Variants in ARHGAP17 observed in about 807,000 individuals in gnomAD.
ARHGAP17 encodes the protein rho GTPase-activating protein 17.
A neutral mutation model predicts 99.5 loss-of-function variants in ARHGAP17; 57 were observed. The observed-to-expected ratio is 0.57, with a 90% CI of 0.46 to 0.71. The LOEUF is 0.71. Among genes scored for constraint, ARHGAP17 ranks in the 30% least tolerant of loss-of-function variants. The probability of loss-of-function intolerance (pLI) is 0.00; values close to 1 mark genes in which losing one functional copy is unlikely to be tolerated. For missense variants in ARHGAP17, 1,000 were observed against 1,122.4 expected (o/e 0.89, Z 1.56); for synonymous variants, 417 against 429.6 (o/e 0.97, Z 0.36).
Position 24,919,638 on chromosome 16 carries a change from A to T in ARHGAP17, c.*492T>A, listed in dbSNP as rs747883350. The T allele has an allele frequency of 6.5e-6, 1 of 153,206 alleles. No homozygotes were observed. The highest frequency in any genetic ancestry group is 6.5e-5 in the Admixed American group (1 of 15,346). 9.5% of individuals were successfully genotyped at this position (153,206 alleles called of 1,614,324 possible). On this transcript the variant is annotated 3_prime_UTR_variant, in exon 20 of 20. Coordinates refer to ENST00000289968, the MANE Select transcript of ARHGAP17 (RefSeq NM_001006634.3). ...GGAGACACAGACCATACATGATACA[A>T]AATGATTCTGCAGCAAGTCTGAAGG...
intron 1 of ARHGAP17, among the ~76,000 whole-genome samples, chr16:24,982,925 G>A (rs1165468883): frequency 1.6e-5 from 2 of 128,222 alleles, no homozygotes; most frequent in Admixed American, 8.1e-5. Flanking sequence ...AAAAACAGTA[G>A]ACAAAGTGAT....
intron 15 of ARHGAP17, 41 bp downstream of exon 15, chr16:24,943,730 C>G: frequency 6.5e-7 from 1 of 1,547,028 alleles, no homozygotes; most frequent in Non-Finnish European, 8.9e-7. Flanking sequence ...GTACGATTAT[C>G]ACATTGCTTT....
chr16:24,974,882 C>A (rs985625941), intron 3 of ARHGAP17, among the ~76,000 whole-genome samples: 1 of 152,162 alleles, frequency 6.6e-6, no homozygotes, highest in African/African-American at 2.4e-5. Context: ...CACAGTAGCT[C>A]ATGCCTGTAA....
rs139393798 is a variant in ARHGAP17 at position 24,980,496 on chromosome 16, C to T, written c.54-1491G>A. Among the ~76,000 whole-genome samples, 184 of 152,250 alleles carry T rather than the reference C, an allele frequency of 1.2e-3. No individual in the cohort carries two copies. The South Asian group carries it at 0.028, about 23-fold the overall frequency. ...GCTTCCAGAGGCAGCCAATTTTCAA[C>T]TCTATGAAAAGGTTCCACCAGCAAC... On this transcript the variant is annotated intron_variant, in intron 1 of 19. Coordinates refer to ENST00000289968, the MANE Select transcript of ARHGAP17 (RefSeq NM_001006634.3).
intron 13 of ARHGAP17, chr16:24,948,925 C>T (rs1374951900): frequency 4.0e-5 from 6 of 151,782 alleles, no homozygotes; most frequent in Non-Finnish European, 8.8e-5. Flanking sequence ...AAGTTTTGTC[C>T]CATGGTAAAT....
At chr16:24,980,891 G>A (rs376909892) in intron 1 of ARHGAP17, among the ~76,000 whole-genome samples, 2 of 152,064 alleles carry the variant, frequency 1.3e-5, no homozygotes, top group East Asian at 3.8e-4. Context: ...ACTTCCTTCT[G>A]TAAGTACGAG....
chr16:24,942,375 C>T (rs965681167), intron 15 of ARHGAP17, among the ~76,000 whole-genome samples: 2 of 152,120 alleles, frequency 1.3e-5, no homozygotes, highest in African/African-American at 2.4e-5. Flanking sequence ...AAGTTACACA[C>T]TTTTGTGCTT....
At chr16:24,928,425 CA>C (rs1239056121) in intron 19 of ARHGAP17, among the ~76,000 whole-genome samples, 7 of 152,122 alleles carry the variant, frequency 4.6e-5, no homozygotes, top group Non-Finnish European at 1.0e-4. Flanking sequence ...CAGTATATTA[CA>C]GTGTTGTAGC....
intron 9 of ARHGAP17, chr16:24,956,590 G>A (rs1334437033): frequency 1.3e-5 from 2 of 152,246 alleles, no homozygotes; most frequent in South Asian, 2.1e-4. Flanking sequence ...CAGAGGAGTC[G>A]GATAGGTAGC....
chr16:24,930,988 G>A lies in ARHGAP17; in HGVS notation c.2311C>T (p.Pro771Ser). 6.2e-7 allele frequency: 1 copy of A among 1,613,932 alleles called. No individual in the cohort carries two copies. The highest frequency in any genetic ancestry group is 8.5e-7 in the Non-Finnish European group (1 of 1,179,962). ...PSTPPLGKQN[P>S]SLPAPQTLAG... ...AGGGTCTGAGGAGCTGGCAGACTGGGGTTCTGTTTTCCTAGGGGCGGAGTA... is the reference window on the plus strand; with the variant it reads ...AGGGTCTGAGGAGCTGGCAGACTGGAGTTCTGTTTTCCTAGGGGCGGAGTA... The change falls in exon 19 of 20, where the codon CCC (proline) becomes TCC (serine). Residue 771 changes from proline (P) to serine (S), a missense_variant. Physicochemically the swap from Pro to Ser is moderately conservative, Grantham distance 74. This residue lies in a region of ARHGAP17 where 528 missense variants were observed against 511.4 expected (regional missense o/e 1.03). Transcript: ENST00000289968.
chr16:24,937,590 G>A (rs896384213), intron 17 of ARHGAP17, among the ~76,000 whole-genome samples: 1 of 152,224 alleles, frequency 6.6e-6, no homozygotes, highest in Admixed American at 6.5e-5. Flanking sequence ...CCTATGAGGT[G>A]CACGGGAAGC....
At chr16:24,949,659 G>A (rs1054704955) in intron 12 of ARHGAP17, among the ~76,000 whole-genome samples, 175 bp from the exon 13 acceptor site, 12 of 152,164 alleles carry the variant, frequency 7.9e-5, no homozygotes, top group Non-Finnish European at 1.2e-4. Context: ...TTAACTCTGC[G>A]CAGTTGGTTA....
chr16:24,961,911 T>TTATATATATATA (rs67952203), intron 7 of ARHGAP17, among the ~76,000 whole-genome samples: 5,704 of 129,618 alleles, frequency 0.044, 229 homozygotes, highest in African/African-American at 0.092. Flanking sequence ...CATAGGAATT[T>TTATATATATATA]TATATATATA....
intron 7 of ARHGAP17, among the ~76,000 whole-genome samples, chr16:24,961,746 C>T (rs2052008736): frequency 6.6e-6 from 1 of 150,558 alleles, no homozygotes; most frequent in African/African-American, 2.4e-5. Flanking sequence ...GTTGGTCAGC[C>T]TGGTTTTGAA....
At chr16:24,982,988 ATATATATATTT>A (rs2052735385) in intron 1 of ARHGAP17, among the ~76,000 whole-genome samples, 1 of 31,894 alleles carries the variant, frequency 3.1e-5, no homozygotes, top group Non-Finnish European at 5.5e-5. Context: ...ATATATATAT[ATATATATATTT>A]TTTTTTTTTT....
chr16:24,985,756 T>C (rs1193081920), intron 1 of ARHGAP17, among the ~76,000 whole-genome samples: 1 of 152,096 alleles, frequency 6.6e-6, no homozygotes, highest in Non-Finnish European at 1.5e-5. Flanking sequence ...CTACTTCAGG[T>C]CCAAATGTCA....
intron 10 of ARHGAP17, among the ~76,000 whole-genome samples, chr16:24,954,095 C>G (rs574521719): frequency 6.6e-6 from 1 of 152,094 alleles, no homozygotes; most frequent in African/African-American, 2.4e-5. Flanking sequence ...AGTAAACTCC[C>G]TGCATGCTGA....
chr16:25,000,194 C>A (rs957291706), intron 1 of ARHGAP17, among the ~76,000 whole-genome samples: 6 of 152,292 alleles, frequency 3.9e-5, no homozygotes, highest in Admixed American at 3.3e-4. Flanking sequence ...GTTTTGAAAA[C>A]TGAATTAACT....
At chr16:24,931,815 CTAGTTAATGGTAA>C (rs2051000441) in intron 18 of ARHGAP17, among the ~76,000 whole-genome samples, 1 of 152,104 alleles carries the variant, frequency 6.6e-6, no homozygotes, top group African/African-American at 2.4e-5. Context: ...AATGTGGAGT[CTAGTTAATGGTAA>C]TGAACCGCAA....
Sources: allele counts gnomAD v4.1 joint callset (sites outside exome capture counted in the v4.1 genomes callset), GRCh38; gene constraint gnomAD v4.1.1; regional missense constraint gnomAD v4.1.1; transcripts MANE v1.5; gene names NCBI Gene and HGNC (gene_info 2026-07-23, HGNC 2026-07-21).